The following CCDC7 variants were observed in gnomAD, a reference collection of about 807,000 sequenced individuals.
The protein encoded by CCDC7 is coiled-coil domain containing 7.
In CCDC7, 183 loss-of-function variants were observed where a neutral mutation model predicts 196.9. The observed-to-expected ratio is 0.93, with a 90% CI of 0.82 to 1.05. CCDC7 has a LOEUF of 1.05. Among genes scored for constraint, CCDC7 ranks in the 50% least tolerant of loss-of-function variants. CCDC7 has a pLI of 0.00. For synonymous variants in CCDC7, 525 were observed against 484.6 expected (o/e 1.08, Z -1.10); for missense variants, 1,540 against 1,482.2 (o/e 1.04, Z -0.64).
intron 28 of CCDC7, among the ~76,000 whole-genome samples, chr10:32,769,699 TC>T (rs1168983268): frequency 9.2e-5 from 14 of 151,944 alleles, no homozygotes; most frequent in Admixed American, 9.2e-4. Flanking sequence ...TTCTCATTGT[TC>T]AACTCCCACT....
chr10:32,640,276 A>T (rs2066486677), intron 20 of CCDC7, among the ~76,000 whole-genome samples: 1 of 151,996 alleles, frequency 6.6e-6, no homozygotes, highest in Non-Finnish European at 1.5e-5. Context: ...TGTTAAATTG[A>T]TCCCTTTACC....
chr10:32,578,594 T>C (rs2058453237), intron 16 of CCDC7, among the ~76,000 whole-genome samples: 1 of 151,556 alleles, frequency 6.6e-6, no homozygotes, highest in Non-Finnish European at 1.5e-5. Context: ...CAATAGGATT[T>C]GTGCTTCTAT....
intron 21 of CCDC7, among the ~76,000 whole-genome samples, chr10:32,682,965 G>T (rs2076037242): frequency 6.6e-6 from 1 of 152,048 alleles, no homozygotes. Context: ...TCTATTGATA[G>T]TTTCTTTTGC....
At chr10:32,647,372 A>G (rs554676259) in intron 20 of CCDC7, among the ~76,000 whole-genome samples, 1 of 151,560 alleles carries the variant, frequency 6.6e-6, no homozygotes, top group African/African-American at 2.4e-5. Context: ...AGCCAGGTGT[A>G]GAAGCACGTA....
At chr10:32,737,548 T>C (rs1212428612) in intron 28 of CCDC7, among the ~76,000 whole-genome samples, 1 of 152,196 alleles carries the variant, frequency 6.6e-6, no homozygotes, top group Non-Finnish European at 1.5e-5. Flanking sequence ...TCCAGTTGAT[T>C]GGTGATGTGC....
At chr10:32,492,079 A>G (rs1384324038) in intron 9 of CCDC7, 82 bp downstream of exon 10, 10 of 1,340,676 alleles carry the variant, frequency 7.5e-6, no homozygotes, top group Non-Finnish European at 6.8e-6. Flanking sequence ...CATATGTAAT[A>G]TGTTCATTGA....
At chr10:32,525,135 A>G (rs116910777) in intron 11 of CCDC7, among the ~76,000 whole-genome samples, 5,864 of 151,784 alleles carry the variant, frequency 0.039, 121 homozygotes, top group Middle Eastern at 0.051. Flanking sequence ...TTGGACAAAT[A>G]CCTAATGTAA....
chr10:32,518,195 T>C (rs1344458190), intron 10 of CCDC7, among the ~76,000 whole-genome samples: 1 of 152,178 alleles, frequency 6.6e-6, no homozygotes, highest in Non-Finnish European at 1.5e-5. Flanking sequence ...AATACTAAAC[T>C]ATAATATCCT....
intron 13 of CCDC7, among the ~76,000 whole-genome samples, chr10:32,559,488 C>T (rs899501784): frequency 1.3e-5 from 2 of 152,184 alleles, no homozygotes; most frequent in African/African-American, 4.8e-5. Flanking sequence ...TGCAGAGGAA[C>T]GATCAGACAG....
chr10:32,697,805 A>C (rs10827103), intron 24 of CCDC7, among the ~76,000 whole-genome samples: 21,084 of 152,250 alleles, frequency 0.14, 1,771 homozygotes, highest in East Asian at 0.25. Flanking sequence ...CCTGTCTGAC[A>C]GCTTTGAAGA....
chr10:32,743,340 C>T (rs1387078400), intron 28 of CCDC7, among the ~76,000 whole-genome samples: 1 of 152,090 alleles, frequency 6.6e-6, no homozygotes, highest in Non-Finnish European at 1.5e-5. Flanking sequence ...AAAATGTTCT[C>T]CCATTCTGTA....
intron 41 of CCDC7, among the ~76,000 whole-genome samples, chr10:32,857,575 T>C (rs1459089938): frequency 2.0e-5 from 3 of 152,060 alleles, no homozygotes; most frequent in African/African-American, 7.2e-5. Context: ...TAAAAATATA[T>C]TGACAAATGA....
chr10:32,519,972 T>G (rs945655259), intron 11 of CCDC7, among the ~76,000 whole-genome samples: 3 of 152,158 alleles, frequency 2.0e-5, no homozygotes, highest in Non-Finnish European at 2.9e-5. Context: ...ACATGCAATG[T>G]TTGTCTTTCT....
At chr10:32,531,849 A>G (rs2049719990) in intron 11 of CCDC7, among the ~76,000 whole-genome samples, 1 of 152,124 alleles carries the variant, frequency 6.6e-6, no homozygotes, top group African/African-American at 2.4e-5. Context: ...TGTTGTTCAT[A>G]GTAGTCTCTA....
intron 41 of CCDC7, among the ~76,000 whole-genome samples, chr10:32,863,053 A>G (rs2094065348): frequency 6.6e-6 from 1 of 152,106 alleles, no homozygotes; most frequent in Admixed American, 6.6e-5. Flanking sequence ...GGAATAATTA[A>G]CATTGTTATG....
intron 13 of CCDC7, among the ~76,000 whole-genome samples, chr10:32,558,054 G>A (rs914443796): frequency 6.6e-5 from 10 of 152,092 alleles, no homozygotes; most frequent in African/African-American, 2.4e-4. Flanking sequence ...TTTCCTTTAT[G>A]CTGGACATTT....
At chr10:32,642,207 G>GTTT (rs2066935538) in intron 20 of CCDC7, among the ~76,000 whole-genome samples, 1 of 152,200 alleles carries the variant, frequency 6.6e-6, no homozygotes, top group South Asian at 2.1e-4. Context: ...GTCTGCAGAG[G>GTTT]TTTCTGCTGC....
At chr10:32,661,709 C>T (rs12250212) in intron 20 of CCDC7, among the ~76,000 whole-genome samples, 16,039 of 152,188 alleles carry the variant, frequency 0.11, 1,045 homozygotes, top group South Asian at 0.25. Context: ...CCTCAAAATT[C>T]TGCCCAGTGC....
At chr10:32,835,738 G>T (rs1385526840) in intron 33 of CCDC7, among the ~76,000 whole-genome samples, 1 of 151,930 alleles carries the variant, frequency 6.6e-6, no homozygotes, top group African/African-American at 2.4e-5. Context: ...TGGGTACTAG[G>T]CTTAATACTT....
Sources: gnomAD v4.1 joint callset for allele counts (sites outside exome capture counted in the v4.1 genomes callset) on GRCh38, gnomAD v4.1.1 for gene constraint, MANE v1.5 for transcripts, NCBI Gene and HGNC (gene_info 2026-07-23, HGNC 2026-07-21) for gene names.